Variants in ATG7 observed in about 807,000 individuals in gnomAD.
ATG7 encodes the protein autophagy related 7.
A neutral mutation model predicts 82.4 loss-of-function variants in ATG7; 70 were observed. The ratio of observed to expected loss-of-function variants is 0.85; its 90% CI spans 0.70 to 1.04. ATG7 has a LOEUF of 1.04. Ranked by LOEUF, ATG7 falls within the 50% of genes least tolerant of loss-of-function variation. The pLI is 0.00. For synonymous variants in ATG7, 287 were observed against 313.0 expected, an observed-to-expected ratio of 0.92 and a Z score of 0.88; for missense variants, 792 against 864.3, an observed-to-expected ratio of 0.92 and a Z score of 1.05.
chr3:11,482,234 C>T (rs573028810), intron 20 of ATG7, among the ~76,000 whole-genome samples: 31 of 152,296 alleles, frequency 2.0e-4, no homozygotes, highest in Admixed American at 1.4e-3. Flanking sequence ...CTTGGCTGGG[C>T]GCCACAGCAG....
At chr3:11,291,786 TACTG>T (rs1202871762) in intron 3 of ATG7, among the ~76,000 whole-genome samples, 3 of 152,218 alleles carry the variant, frequency 2.0e-5, no homozygotes, top group Non-Finnish European at 4.4e-5. Flanking sequence ...CACTGACTGT[TACTG>T]ACAGCTTCAT....
At chr3:11,401,131 C>A (rs1476827300) in intron 19 of ATG7, among the ~76,000 whole-genome samples, 1 of 152,154 alleles carries the variant, frequency 6.6e-6, no homozygotes, top group Non-Finnish European at 1.5e-5. Flanking sequence ...ACTCTCAGAC[C>A]CCGCCCCAGA....
At chr3:11,359,802 A>T (rs1466061826) in intron 15 of ATG7, among the ~76,000 whole-genome samples, 1 of 152,056 alleles carries the variant, frequency 6.6e-6, no homozygotes, top group Non-Finnish European at 1.5e-5. Flanking sequence ...AAAAAATTCT[A>T]TGTGAAGGGT....
chr3:11,558,457 C>G, downstream of ATG7: 1 of 1,000,192 alleles, frequency 1.0e-6, no homozygotes, highest in South Asian at 1.5e-5. Flanking sequence ...CTTCCCTTCC[C>G]CCCACCCCAC....
chr3:11,276,708 C>T (rs550230001), intron 1 of ATG7, among the ~76,000 whole-genome samples: 84 of 152,306 alleles, frequency 5.5e-4, no homozygotes, highest in Middle Eastern at 3.4e-3. Flanking sequence ...TTTGTATTAT[C>T]TCTCTGGCCA....
At chr3:11,375,896 G>T (rs2077383846) in intron 18 of ATG7, among the ~76,000 whole-genome samples, 1 of 152,122 alleles carries the variant, frequency 6.6e-6, no homozygotes, top group South Asian at 2.1e-4. Flanking sequence ...AAAACAAGTT[G>T]GCAGTTCCTC....
chr3:11,471,125 G>A (rs962695385), intron 20 of ATG7, among the ~76,000 whole-genome samples: 5 of 152,176 alleles, frequency 3.3e-5, no homozygotes, highest in South Asian at 2.1e-4. Context: ...GCAACCAGGC[G>A]GCCCTTTTGG....
intron 20 of ATG7, among the ~76,000 whole-genome samples, chr3:11,499,128 T>C (rs963951738): frequency 6.6e-6 from 1 of 152,206 alleles, no homozygotes; most frequent in Non-Finnish European, 1.5e-5. Flanking sequence ...AAACTGCACA[T>C]AAATTGAAAG....
At chr3:11,405,142 G>T (rs1000631991) in intron 19 of ATG7, among the ~76,000 whole-genome samples, 1 of 152,040 alleles carries the variant, frequency 6.6e-6, no homozygotes, top group African/African-American at 2.4e-5. Flanking sequence ...TCAACAGTTG[G>T]CCCTGGAAAA....
At chr3:11,453,173 G>A (rs1220931443) in intron 20 of ATG7, among the ~76,000 whole-genome samples, 2 of 152,214 alleles carry the variant, frequency 1.3e-5, no homozygotes, top group Non-Finnish European at 2.9e-5. Flanking sequence ...GGGGCTGAGA[G>A]TTCTCTGGGT....
chr3:11,566,877 G>A, the ATG7 span, among the ~76,000 whole-genome samples: 1 of 152,174 alleles, frequency 6.6e-6, no homozygotes, highest in Non-Finnish European at 1.5e-5. Flanking sequence ...GGGGTGCACA[G>A]AGACTTAACG....
intron 20 of ATG7, chr3:11,477,299 T>C: frequency 2.5e-6 from 3 of 1,197,884 alleles, no homozygotes; most frequent in South Asian, 1.5e-5. Flanking sequence ...AAATAAAATG[T>C]AAATAAGAAT....
At chr3:11,285,791 A>G (rs1312026186) in intron 3 of ATG7, among the ~76,000 whole-genome samples, 2 of 152,180 alleles carry the variant, frequency 1.3e-5, no homozygotes, top group African/African-American at 2.4e-5. Flanking sequence ...AACAGTTTCA[A>G]ACTTACAGAA....
intron 20 of ATG7, among the ~76,000 whole-genome samples, chr3:11,431,204 C>A (rs994801719): frequency 6.6e-6 from 1 of 151,920 alleles, no homozygotes; most frequent in African/African-American, 2.4e-5. Context: ...GAGTTTGAGA[C>A]CAGCCTAGCC....
intron 9 of ATG7, among the ~76,000 whole-genome samples, chr3:11,324,079 G>A (rs1056478595): frequency 2.0e-5 from 3 of 152,190 alleles, no homozygotes; most frequent in Non-Finnish European, 4.4e-5. Flanking sequence ...TCTCAGCCAA[G>A]TAGAAAGGAA....
At chr3:11,475,528 G>T (rs1214048810) in intron 20 of ATG7, among the ~76,000 whole-genome samples, 1 of 152,116 alleles carries the variant, frequency 6.6e-6, no homozygotes, top group African/African-American at 2.4e-5. Context: ...TCCCAGGGCG[G>T]CCTGCATGTA....
chr3:11,412,795 C>T (rs964102050), intron 19 of ATG7, among the ~76,000 whole-genome samples: 1 of 152,062 alleles, frequency 6.6e-6, no homozygotes, highest in Non-Finnish European at 1.5e-5. Flanking sequence ...AATACTAATT[C>T]TTCCAATTCA....
chr3:11,416,495 AGTT>A (rs1267654076), intron 19 of ATG7, among the ~76,000 whole-genome samples: 1 of 152,094 alleles, frequency 6.6e-6, no homozygotes, highest in Admixed American at 6.5e-5. Context: ...CTAGATACGG[AGTT>A]GTTGATAGTA....
chr3:11,286,399 G>A (rs917772492), intron 3 of ATG7, among the ~76,000 whole-genome samples: 1 of 152,066 alleles, frequency 6.6e-6, no homozygotes, highest in Admixed American at 6.6e-5. Flanking sequence ...ATGGCATATC[G>A]TCGTATGTTC....
Sources: gnomAD v4.1 joint callset for allele counts (sites outside exome capture counted in the v4.1 genomes callset) on GRCh38, gnomAD v4.1.1 for gene constraint, MANE v1.5 for transcripts, NCBI Gene and HGNC (gene_info 2026-07-23, HGNC 2026-07-21) for gene names.